Variants in EHMT1 observed in about 807,000 individuals in gnomAD.
The protein encoded by EHMT1 is histone-lysine N-methyltransferase EHMT1.
EHMT1 carries 15 observed loss-of-function variants against 147.2 expected under a neutral mutation model. The observed-to-expected ratio is 0.10, with a 90% CI of 0.07 to 0.16. The LOEUF is 0.16. Ranked by LOEUF, EHMT1 falls within the 10% of genes least tolerant of loss-of-function variation. The pLI is 1.00. For missense variants in EHMT1, 1,587 were observed against 1,772.4 expected (o/e 0.90, Z 1.88); for synonymous variants, 795 against 709.6 (o/e 1.12, Z -1.91).
intron 12 of EHMT1, among the ~76,000 whole-genome samples, chr9:137,777,557 C>T (rs1375100182): frequency 6.6e-6 from 1 of 152,178 alleles, no homozygotes; most frequent in Non-Finnish European, 1.5e-5. Flanking sequence ...TGATTCCTTC[C>T]TATTAACCTG....
Position 137,757,981 on chromosome 9 carries a change from G to A in EHMT1, c.1471G>A (p.Val491Ile), listed in dbSNP as rs780345353. Residue 491 changes from valine (V) to isoleucine (I), a missense_variant, in exon 9 of 27, where the codon GTC (valine) becomes ATC (isoleucine). This residue lies in a region of EHMT1 where 810 missense variants were observed against 673.0 expected (regional missense o/e 1.20). Coordinates refer to ENST00000460843, the MANE Select transcript of EHMT1 (RefSeq NM_024757.5). ...TTCTCTGGACTCCCTGGATCTCCGAGTCAAAGGAATTCTGTCTTCACAAGC... is the reference window on the plus strand; with the variant it reads ...TTCTCTGGACTCCCTGGATCTCCGAATCAAAGGAATTCTGTCTTCACAAGC... Reference protein sequence around the residue: ...EVSLDSLDLRVKGILSSQAEG... With the variant: ...EVSLDSLDLRIKGILSSQAEG... 2 of 1,614,162 alleles carry A rather than the reference G, an allele frequency of 1.2e-6. No homozygotes were observed. The highest frequency in any genetic ancestry group is 1.7e-6 in the Non-Finnish European group (2 of 1,180,038).
At chr9:137,764,327 G>A (rs376705762) in intron 10 of EHMT1, 1 of 152,316 alleles carries the variant, frequency 6.6e-6, no homozygotes, top group Non-Finnish European at 1.5e-5. Context: ...GGCTCCCTAT[G>A]TGACGGCTTT....
chr9:137,807,478 CTTAT>C (rs60007941), intron 18 of EHMT1, among the ~76,000 whole-genome samples: 129,004 of 147,986 alleles, frequency 0.87, 57,405 homozygotes, highest in Non-Finnish European at 0.95. Context: ...GCTTTATTTA[CTTAT>C]TTATTTATTT....
chr9:137,710,135 C>T (rs1302413595), intron 1 of EHMT1, among the ~76,000 whole-genome samples: 2 of 150,860 alleles, frequency 1.3e-5, no homozygotes, highest in African/African-American at 4.9e-5. Flanking sequence ...CTCTAAGCTT[C>T]TTGAAGGCAA....
intron 25 of EHMT1, among the ~76,000 whole-genome samples, chr9:137,819,653 G>T (rs1335079453): frequency 3.1e-4 from 5 of 15,988 alleles, no homozygotes; most frequent in Admixed American, 2.1e-3. Flanking sequence ...GAGAGGCTGA[G>T]GGGGGGGGCG....
At chr9:137,730,547 TC>T (rs1947018484) in intron 4 of EHMT1, among the ~76,000 whole-genome samples, 1 of 152,306 alleles carries the variant, frequency 6.6e-6, no homozygotes, top group South Asian at 2.1e-4. Flanking sequence ...TGACTTGGCC[TC>T]CCAAAGTGCT....
At chr9:137,745,234 T>C (rs1176871543) in intron 6 of EHMT1, among the ~76,000 whole-genome samples, 1 of 152,250 alleles carries the variant, frequency 6.6e-6, no homozygotes, top group Non-Finnish European at 1.5e-5. Context: ...CCTGAATGTA[T>C]ACAAAGCATT....
At chr9:137,807,232 AT>A (rs1225566910) in intron 18 of EHMT1, among the ~76,000 whole-genome samples, 1 of 152,032 alleles carries the variant, frequency 6.6e-6, no homozygotes, top group Non-Finnish European at 1.5e-5. Context: ...GCTCTTTTCA[AT>A]TTTTAAATTA....
At chr9:137,669,521 G>GTGCACTCGACTCC (rs1940257353) in intron 1 of EHMT1, among the ~76,000 whole-genome samples, 1 of 130,580 alleles carries the variant, frequency 7.7e-6, no homozygotes, top group African/African-American at 3.0e-5. Context: ...CGCACAGCAC[G>GTGCACTCGACTCC]TGCACTCGAC....
chr9:137,697,472 C>G (rs528378372), intron 1 of EHMT1, among the ~76,000 whole-genome samples: 2 of 152,310 alleles, frequency 1.3e-5, no homozygotes, highest in East Asian at 3.9e-4. Context: ...CAGGGTCATA[C>G]AGTTTACCTA....
At chr9:137,793,773 G>C (rs1952699471) in intron 16 of EHMT1, among the ~76,000 whole-genome samples, 1 of 152,200 alleles carries the variant, frequency 6.6e-6, no homozygotes, top group Non-Finnish European at 1.5e-5. Flanking sequence ...TCTGCTGAGG[G>C]AAAGAAGCCA....
chr9:137,642,218 A>T (rs528883255), intron 1 of EHMT1, among the ~76,000 whole-genome samples: 1 of 152,242 alleles, frequency 6.6e-6, no homozygotes, highest in African/African-American at 2.4e-5. Flanking sequence ...GTAATTACTG[A>T]AAGGTAGGGT....
chr9:137,633,283 AT>A (rs1360220312), intron 1 of EHMT1, among the ~76,000 whole-genome samples: 1 of 151,810 alleles, frequency 6.6e-6, no homozygotes, highest in Non-Finnish European at 1.5e-5. Flanking sequence ...AACTCCACAA[AT>A]TTTTGTTGAC....
intron 1 of EHMT1, among the ~76,000 whole-genome samples, chr9:137,702,896 C>T (rs1943955141): frequency 6.6e-6 from 1 of 152,264 alleles, no homozygotes; most frequent in African/African-American, 2.4e-5. Context: ...GCCTCAGCTT[C>T]CTGAGTAGCT....
chr9:137,740,488 C>T (rs917815707), intron 4 of EHMT1, among the ~76,000 whole-genome samples: 3 of 152,224 alleles, frequency 2.0e-5, no homozygotes, highest in African/African-American at 7.2e-5. Context: ...TTTCTCCTGG[C>T]CCCTGATGAC....
chr9:137,627,880 T>C (rs960656631), intron 1 of EHMT1, among the ~76,000 whole-genome samples: 1 of 152,058 alleles, frequency 6.6e-6, no homozygotes, highest in Non-Finnish European at 1.5e-5. Context: ...TGGCTACTTT[T>C]TGTATTTTTA....
chr9:137,670,110 T>C (rs1940391884), intron 1 of EHMT1, among the ~76,000 whole-genome samples: 1 of 152,184 alleles, frequency 6.6e-6, no homozygotes, highest in South Asian at 2.1e-4. Flanking sequence ...TCCGCCTGCC[T>C]CAGCCTCCCA....
At chr9:137,784,087 A>C in intron 15 of EHMT1, 1 of 1,218,558 alleles carries the variant, frequency 8.2e-7, no homozygotes, top group Non-Finnish European at 1.2e-6. Context: ...TATAAAGAAA[A>C]GAAATTTATT....
At chr9:137,780,371 A>G (rs1289534403) in intron 14 of EHMT1, among the ~76,000 whole-genome samples, 1 of 92,914 alleles carries the variant, frequency 1.1e-5, no homozygotes, top group Non-Finnish European at 2.0e-5. Flanking sequence ...GATGACGCTG[A>G]GACGTGTGAT....
Sources: allele counts gnomAD v4.1 joint callset (sites outside exome capture counted in the v4.1 genomes callset), GRCh38; gene constraint gnomAD v4.1.1; regional missense constraint gnomAD v4.1.1; transcripts MANE v1.5; gene names NCBI Gene and HGNC (gene_info 2026-07-23, HGNC 2026-07-21).